SEPTIN5: variants seen among roughly 807,000 people sequenced by gnomAD.
SEPTIN5 encodes septin-5.
In SEPTIN5, 16 loss-of-function variants were observed where a neutral mutation model predicts 51.2. The observed-to-expected ratio is 0.31, with a 90% CI of 0.21 to 0.47. The LOEUF (loss-of-function observed/expected upper bound fraction) is 0.47, where lower values mean the gene tolerates loss of function less well. Among genes scored for constraint, SEPTIN5 ranks in the 20% least tolerant of loss-of-function variants. The pLI, the probability that SEPTIN5 is intolerant of heterozygous loss-of-function variation, is 0.99. For missense variants in SEPTIN5, 376 were observed against 500.3 expected, an observed-to-expected ratio of 0.75 and a Z score of 2.37; for synonymous variants, 208 against 191.2, an observed-to-expected ratio of 1.09 and a Z score of -0.72.
rs1936043769 is a variant in SEPTIN5 at position 19,721,873 on chromosome 22, G to T, written c.866G>T (p.Arg289Leu). The T allele has an allele frequency of 1.3e-6, 2 of 1,589,982 alleles. No homozygotes were observed. The highest frequency in any genetic ancestry group is 8.6e-7 in the Non-Finnish European group (1 of 1,165,858). Reference protein sequence around the residue: ...DFVKLRNMLIRTHMHDLKDVT... With the variant: ...DFVKLRNMLILTHMHDLKDVT... Reference sequence around the variant, plus strand: ...GTGAAGCTGCGCAACATGCTCATCCGCACGCATATGCACGACCTCAAGGAC... The same window carrying T: ...GTGAAGCTGCGCAACATGCTCATCCTCACGCATATGCACGACCTCAAGGAC... Residue 289 changes from arginine to leucine, a missense_variant, in exon 10 of 12, where the codon CGC becomes CTC. Physicochemically the swap from Arg to Leu is moderately radical, Grantham distance 102. Transcript: ENST00000455784.
intron 2 of SEPTIN5, among the ~76,000 whole-genome samples, chr22:19,716,393 C>T (rs1277184342): frequency 6.6e-6 from 1 of 152,224 alleles, no homozygotes; most frequent in African/African-American, 2.4e-5. Context: ...ACGCTCTGTG[C>T]CCCCACCTCC....
rs1440719875 is a variant in SEPTIN5, at chr22:19,722,659, C to G, written c.*175C>G. 5.6e-6 allele frequency: 4 copies of G among 711,550 alleles called. No individual in the cohort carries two copies. The highest frequency in any genetic ancestry group is 5.4e-5 in the Admixed American group (2 of 37,048). The allele number at this position is 711,550 out of a possible 1,614,324, so 44.1% of individuals were successfully genotyped here. ...TGTTTCCGAGGGGCCTGGACCGTAG[C>G]CCCCGCCCAGCTGGCCCTCTCTGAC... On this transcript the variant is annotated 3_prime_UTR_variant, in exon 12 of 12. Transcript: ENST00000455784.
chr22:19,721,807 A>G lies in SEPTIN5; in HGVS notation c.815-15A>G, dbSNP rs1434573907. 1 of 895,468 alleles carries G rather than the reference A, an allele frequency of 1.1e-6. No homozygotes were observed. The highest frequency in any genetic ancestry group is 1.7e-6 in the Non-Finnish European group (1 of 596,168). 55.5% of individuals were successfully genotyped at this position (895,468 alleles called of 1,614,324 possible). ...CTGGGCCGGCGCCAGCCCACTACCC[A>G]CCCCCACCCCGCAGTGGAGAACCAG... On this transcript the variant is annotated splice_polypyrimidine_tract_variant and intron_variant, in intron 9 of 11. Coordinates refer to ENST00000455784, the MANE Select transcript of SEPTIN5 (RefSeq NM_002688.6).
chr22:19,719,791 T>G lies in SEPTIN5; in HGVS notation c.152-15T>G, dbSNP rs1329445629. The G allele has an allele frequency of 5.0e-6, 8 of 1,612,642 alleles. No homozygotes were observed. Among genetic ancestry groups the G allele is most frequent in the Non-Finnish European group, 5.9e-6 (7 of 1,179,678 alleles). On this transcript the variant is annotated splice_polypyrimidine_tract_variant and intron_variant, in intron 3 of 11. Coordinates refer to ENST00000455784, the MANE Select transcript of SEPTIN5 (RefSeq NM_002688.6). ...CCCAGACCTAACGCAGCTCCTTCTC[T>G]GTACCTGTGTGCAGGTGAGTCAGGC...
At chr22:19,721,559 C>T (rs1936032380) in intron 8 of SEPTIN5, 81 bp from the exon 9 acceptor site, 2 of 1,464,168 alleles carry the variant, frequency 1.4e-6, no homozygotes, top group African/African-American at 1.4e-5. Context: ...AGGGGTGCCC[C>T]GGGAGTTACA....
chr22:19,720,444 T>C lies in SEPTIN5; in HGVS notation c.487T>C (p.Phe163Leu). The C allele has an allele frequency of 6.2e-7, 1 of 1,613,722 alleles. No individual in the cohort carries two copies. The highest frequency in any genetic ancestry group is 1.1e-5 in the South Asian group (1 of 91,084). The change falls in exon 6 of 12, where the codon TTC (phenylalanine) becomes CTC (leucine). Residue 163 changes from phenylalanine (F) to leucine (L), a missense_variant. Phe to Leu is a conservative substitution (Grantham distance 22, BLOSUM62 0). This residue lies in a region of SEPTIN5 where 287 missense variants were observed against 417.1 expected (regional missense o/e 0.69). Transcript: ENST00000455784. The part of the protein sequence containing the change: ...VHCCLYFISP[F>L]GHGLRPVDVG... Reference sequence around the variant, plus strand: ...CTGCTGCCTATACTTCATCTCCCCCTTCGGGCATGGGTGTGTGGCTGTCCT... The same window carrying C: ...CTGCTGCCTATACTTCATCTCCCCCCTCGGGCATGGGTGTGTGGCTGTCCT...
intron 2 of SEPTIN5, chr22:19,718,913 G>A (rs953772231): frequency 1.7e-6 from 2 of 1,182,184 alleles, no homozygotes; most frequent in Admixed American, 8.6e-5. Context: ...CGGCCCGCCA[G>A]CGCCTAGGCT....
At chr22:19,718,528 C>T (rs1935953042) in intron 2 of SEPTIN5, 1 of 1,278,740 alleles carries the variant, frequency 7.8e-7, no homozygotes, top group Non-Finnish European at 9.9e-7. Context: ...TTCGCCCAGT[C>T]AGGGGGATGG....
At chr22:19,722,360 G>A (rs756230361) in intron 11 of SEPTIN5, 21 bp downstream of exon 11, 3 of 1,597,140 alleles carry the variant, frequency 1.9e-6, no homozygotes, top group South Asian at 2.2e-5. Flanking sequence ...CGGCGGGGGC[G>A]GCGGAGGCGG....
chr22:19,718,523 C>A, intron 2 of SEPTIN5: 1 of 1,275,138 alleles, frequency 7.8e-7, no homozygotes. Context: ...GCCAGTTCGC[C>A]CAGTCAGGGG....
intron 2 of SEPTIN5, chr22:19,718,719 G>A (rs1217146947): frequency 2.4e-6 from 3 of 1,250,610 alleles, no homozygotes; most frequent in Non-Finnish European, 2.0e-6. Context: ...GTGCCCCCGG[G>A]CCTGGGGGGG....
At chr22:19,717,885 TACAC>T (rs201895332) in intron 2 of SEPTIN5, 208 of 165,076 alleles carry the variant, frequency 1.3e-3, no homozygotes, top group African/African-American at 4.8e-3. Context: ...ACACACACAT[TACAC>T]ACACACACCC....
chr22:19,720,274 C>T lies in SEPTIN5; in HGVS notation c.362+36C>T, dbSNP rs201127457. On this transcript the variant is annotated intron_variant, in intron 5 of 11. Coordinates refer to ENST00000455784, the MANE Select transcript of SEPTIN5 (RefSeq NM_002688.6). ...CCTGCTGAGAAAGGCCTTGCCTAGG[C>T]GGCCACAGCACTCGAGGCCTGGCCT... 4.4e-5 allele frequency: 71 copies of T among 1,613,372 alleles called. No individual in the cohort carries two copies. The East Asian group carries it at 9.4e-4, about 21-fold the overall frequency.
Position 19,720,234 on chromosome 22 carries a change from G to C in SEPTIN5, c.358G>C (p.Glu120Gln). ...PGFGDAVNNT[E>Q]CWKPITDYVD... ...ATTCGGGGACGCTGTCAACAACACC[G>C]AGTGGTGAGTGAGGCCTGCTGAGAA... The change falls in exon 5 of 12, where the codon GAG becomes CAG. Residue 120 changes from glutamate (E) to glutamine (Q), a missense_variant. Coordinates refer to ENST00000455784, the MANE Select transcript of SEPTIN5 (RefSeq NM_002688.6). The C allele has an allele frequency of 6.2e-7, 1 of 1,613,516 alleles. No homozygotes were observed.
chr22:19,719,846 C>A lies in SEPTIN5; in HGVS notation c.192C>A (p.Leu64=), dbSNP rs1237478215. ...GGAAGTCCACACTGGTCCACAGCCT[C>A]TTCCTGACAGACTTGTACAAGGACC... is the stretch of plus-strand genomic sequence containing the variant. ...GLGKSTLVHS[L]FLTDLYKDRK... The change falls in exon 4 of 12, where the codon CTC becomes CTA. Residue 64 remains leucine, a synonymous_variant. Transcript: ENST00000455784. 1.9e-6 allele frequency: 3 copies of A among 1,613,012 alleles called. No individual in the cohort carries two copies. In the African/African-American group the frequency reaches 4.0e-5, roughly 22 times the overall value.
At position 19,721,623 on chromosome 22, in the gene SEPTIN5, C is replaced by G; in HGVS notation, c.718-17C>G. The G allele has an allele frequency of 1.2e-6, 2 of 1,612,440 alleles. No individual in the cohort carries two copies. The highest frequency in any genetic ancestry group is 1.7e-6 in the Non-Finnish European group (2 of 1,179,634). On this transcript the variant is annotated splice_polypyrimidine_tract_variant and intron_variant, in intron 8 of 11. Coordinates refer to ENST00000455784, the MANE Select transcript of SEPTIN5 (RefSeq NM_002688.6). Reference sequence around the variant, plus strand: ...TTACGCTCACCGGGTGTGAGCCTTTCTCCCTCCTTCCCCCAGGAGAGCGCG... The same window carrying G: ...TTACGCTCACCGGGTGTGAGCCTTTGTCCCTCCTTCCCCCAGGAGAGCGCG...
rs887300964 is a variant in SEPTIN5 at position 19,723,066 on chromosome 22, C to T, written c.*582C>T. The T allele has an allele frequency of 9.8e-6, 5 of 511,364 alleles. No individual in the cohort carries two copies. Among genetic ancestry groups the T allele is most frequent in the African/African-American group, 3.8e-5 (2 of 53,122 alleles). 31.7% of individuals were successfully genotyped at this position (511,364 alleles called of 1,614,324 possible). Reference sequence around the variant, plus strand: ...GTCGTGACCGCTTACACCCCTTCTCCACAGCCCGGCCCGACCTGGAGGGCC... The same window carrying T: ...GTCGTGACCGCTTACACCCCTTCTCTACAGCCCGGCCCGACCTGGAGGGCC... On this transcript the variant is annotated 3_prime_UTR_variant, in exon 12 of 12. Transcript: ENST00000455784.
chr22:19,718,481 C>A, intron 2 of SEPTIN5: 1 of 1,181,436 alleles, frequency 8.5e-7, no homozygotes, highest in Non-Finnish European at 1.0e-6. Context: ...GGAGCGGGGC[C>A]TGCCCGGACT....
chr22:19,720,951 C>T, intron 8 of SEPTIN5, 82 bp downstream of exon 8: 2 of 1,287,270 alleles, frequency 1.6e-6, no homozygotes, highest in Non-Finnish European at 1.1e-6. Flanking sequence ...TCACATTGAG[C>T]CTGCTGGAGG....
Sources: allele counts gnomAD v4.1 joint callset (sites outside exome capture counted in the v4.1 genomes callset), GRCh38; gene constraint gnomAD v4.1.1; regional missense constraint gnomAD v4.1.1; transcripts MANE v1.5; gene names NCBI Gene and HGNC (gene_info 2026-07-23, HGNC 2026-07-21).